The following PRKCE variants were observed in gnomAD, a reference collection of about 807,000 sequenced individuals.
PRKCE encodes protein kinase C epsilon.
A neutral mutation model predicts 85.4 loss-of-function variants in PRKCE; 16 were observed. That is an observed-to-expected ratio of 0.19 (90% confidence interval 0.13 to 0.28). The LOEUF (loss-of-function observed/expected upper bound fraction) is 0.28. Among genes scored for constraint, PRKCE ranks in the 10% least tolerant of loss-of-function variants. The probability of loss-of-function intolerance (pLI) is 1.00; values close to 1 mark genes in which losing one functional copy is unlikely to be tolerated. For missense variants in PRKCE, 573 were observed against 975.2 expected (o/e 0.59, Z 5.49); for synonymous variants, 388 against 371.5 (o/e 1.04, Z -0.51).
intron 2 of PRKCE, among the ~76,000 whole-genome samples, chr2:45,963,378 G>A (rs768103707): frequency 2.0e-5 from 3 of 151,940 alleles, no homozygotes; most frequent in Non-Finnish European, 4.4e-5. Flanking sequence ...GCGTGATCTC[G>A]GCTCACTGCA....
Position 46,004,896 on chromosome 2 carries a change from T to C in PRKCE, c.1063+258T>C, listed in dbSNP as rs143968454. Among the ~76,000 whole-genome samples the C allele has an allele frequency of 6.6e-6, 1 of 152,166 alleles. No individual in the cohort carries two copies. The highest frequency in any genetic ancestry group is 1.5e-5 in the Non-Finnish European group (1 of 67,994). On this transcript the variant is annotated intron_variant, in intron 8 of 14. Coordinates refer to ENST00000306156, the MANE Select transcript of PRKCE (RefSeq NM_005400.3). The surrounding 1 kb of genome is among the most constrained non-coding windows in gnomAD (Gnocchi z 4.1). ...TAAGAGGAGAGCGAGTGTATGATGT[T>C]ATGGTTATCTGTTTTCCCTTGCCTC...
chr2:45,844,573 T>C (rs1216537907), intron 2 of PRKCE, among the ~76,000 whole-genome samples: 3 of 152,240 alleles, frequency 2.0e-5, no homozygotes, highest in Non-Finnish European at 4.4e-5. Flanking sequence ...GTGATCCAAA[T>C]TCACCAGACT....
chr2:45,795,317 A>AT (rs568136010), intron 1 of PRKCE, among the ~76,000 whole-genome samples: 3 of 151,792 alleles, frequency 2.0e-5, no homozygotes, highest in East Asian at 1.9e-4. Context: ...TATTGTTATT[A>AT]TTTTTTTTGA....
At chr2:46,140,002 T>G (rs1462195711) in intron 11 of PRKCE, among the ~76,000 whole-genome samples, 1 of 152,022 alleles carries the variant, frequency 6.6e-6, no homozygotes, top group Non-Finnish European at 1.5e-5. Context: ...CATAAGAAAT[T>G]TATAAGATCT....
intron 2 of PRKCE, among the ~76,000 whole-genome samples, chr2:45,973,106 T>C (rs1702212140): frequency 6.6e-6 from 1 of 152,208 alleles, no homozygotes; most frequent in Non-Finnish European, 1.5e-5. Context: ...TTAATACATA[T>C]GTGGGATCTA....
At chr2:46,147,074 T>C (rs548218181) in intron 12 of PRKCE, among the ~76,000 whole-genome samples, 147 of 152,320 alleles carry the variant, frequency 9.7e-4, no homozygotes, top group Non-Finnish European at 1.5e-3. Flanking sequence ...AGGGGAGGCC[T>C]GAGGAACATC....
At chr2:45,769,238 G>A (rs541222623) in intron 1 of PRKCE, among the ~76,000 whole-genome samples, 49 of 151,866 alleles carry the variant, frequency 3.2e-4, no homozygotes, top group Non-Finnish European at 3.7e-4. Context: ...TTTCATCCTC[G>A]CCCACCTTAT....
intron 1 of PRKCE, among the ~76,000 whole-genome samples, chr2:45,743,145 G>A (rs1682720979): frequency 6.6e-6 from 1 of 152,092 alleles, no homozygotes; most frequent in Non-Finnish European, 1.5e-5. Context: ...TGGTCAAAGG[G>A]CACAAACTTT....
intron 1 of PRKCE, among the ~76,000 whole-genome samples, chr2:45,780,309 A>G (rs899255550): frequency 6.6e-6 from 1 of 151,542 alleles, no homozygotes; most frequent in African/African-American, 2.4e-5. Flanking sequence ...TGTTTTTGCC[A>G]TTTCTTTTTT....
At chr2:46,047,067 C>G (rs1032076665) in intron 10 of PRKCE, among the ~76,000 whole-genome samples, 1 of 152,270 alleles carries the variant, frequency 6.6e-6, no homozygotes, top group Admixed American at 6.5e-5. Context: ...AGAGGTGTAT[C>G]TGATATTCGA....
chr2:46,015,403 T>G (rs927993124), intron 10 of PRKCE, among the ~76,000 whole-genome samples: 1 of 151,998 alleles, frequency 6.6e-6, no homozygotes, highest in Non-Finnish European at 1.5e-5. Context: ...ATTCTACCCA[T>G]CCCCCACCCT....
At chr2:45,736,287 T>A (rs923592150) in intron 1 of PRKCE, among the ~76,000 whole-genome samples, 1 of 152,178 alleles carries the variant, frequency 6.6e-6, no homozygotes, top group Non-Finnish European at 1.5e-5. Flanking sequence ...TTCTTATTTC[T>A]GAGATGGCAA....
intron 10 of PRKCE, among the ~76,000 whole-genome samples, chr2:46,023,916 A>G (rs1197254583): frequency 6.6e-6 from 1 of 152,218 alleles, no homozygotes; most frequent in Non-Finnish European, 1.5e-5. Flanking sequence ...ATTACATGCC[A>G]GGTTCAACTT....
chr2:46,051,246 C>T (rs1574335895), intron 10 of PRKCE, among the ~76,000 whole-genome samples: 1 of 152,170 alleles, frequency 6.6e-6, no homozygotes, highest in East Asian at 1.9e-4. Context: ...CTTCCCAGAG[C>T]ACCACAAGTG....
At chr2:46,056,756 C>T (rs1021356934) in intron 10 of PRKCE, among the ~76,000 whole-genome samples, 4 of 152,174 alleles carry the variant, frequency 2.6e-5, no homozygotes, top group Non-Finnish European at 5.9e-5. Flanking sequence ...CTGAAATTCT[C>T]TTCTCTTATT....
chr2:45,836,399 A>G (rs1019835835), intron 1 of PRKCE, among the ~76,000 whole-genome samples: 1 of 152,220 alleles, frequency 6.6e-6, no homozygotes, highest in African/African-American at 2.4e-5. Context: ...GCAAGTAGCA[A>G]ATTTTACCCC....
At chr2:45,946,415 C>G (rs1249458783) in intron 2 of PRKCE, among the ~76,000 whole-genome samples, 2 of 152,156 alleles carry the variant, frequency 1.3e-5, no homozygotes, top group African/African-American at 4.8e-5. Context: ...TCAGCTCTTC[C>G]CAGGGCTTAC....
At position 45,909,142 on chromosome 2, in the gene PRKCE, A is replaced by C. The variant is rs142191453; in HGVS notation, c.412+66079A>C. On this transcript the variant is annotated intron_variant, in intron 2 of 14. Coordinates refer to ENST00000306156, the MANE Select transcript of PRKCE (RefSeq NM_005400.3). ...GCAACTTATTTGCATTAAATCCTGC[A>C]TTTATTAGTAATAGTACCACTTCCT... is the stretch of plus-strand genomic sequence containing the variant. Among the ~76,000 whole-genome samples, 714 of 152,358 alleles carry C rather than the reference A, an allele frequency of 4.7e-3. 14 individuals are homozygous for C. The highest frequency in any genetic ancestry group is 1.7e-3 in the Non-Finnish European group (117 of 68,034).
intron 9 of PRKCE, 47 bp from the exon 10 acceptor site, chr2:46,010,297 T>G: frequency 1.3e-6 from 2 of 1,510,978 alleles, no homozygotes; most frequent in Non-Finnish European, 1.8e-6. Context: ...CTTCTTCTTT[T>G]TATTCCATAC....
Sources: allele counts gnomAD v4.1 joint callset (sites outside exome capture counted in the v4.1 genomes callset), GRCh38; gene constraint gnomAD v4.1.1; non-coding constraint Gnocchi (gnomAD v3.1); transcripts MANE v1.5; gene names NCBI Gene and HGNC (gene_info 2026-07-23, HGNC 2026-07-21).